The following DNAH11 variants were observed in gnomAD, a reference collection of about 807,000 sequenced individuals.
DNAH11 encodes dynein axonemal heavy chain 11, also known as axonemal beta dynein heavy chain 11.
Under a neutral mutation model 526.0 loss-of-function variants are expected in DNAH11, and 442 were observed. The observed-to-expected ratio is 0.84, with a 90% CI of 0.78 to 0.91. The LOEUF (loss-of-function observed/expected upper bound fraction) is 0.91, where lower values mean the gene tolerates loss of function less well. Ranked by LOEUF, DNAH11 falls within the 40% of genes least tolerant of loss-of-function variation. The pLI is 0.00. For synonymous variants in DNAH11, 2,461 were observed against 1,935.9 expected (o/e 1.27, Z -7.12); for missense variants, 6,989 against 5,448.7 (o/e 1.28, Z -8.90).
Position 21,868,790 on chromosome 7 carries a change from A to C in DNAH11, c.11840-74A>C. The C allele has an allele frequency of 4.4e-6, 7 of 1,585,544 alleles. No individual in the cohort carries two copies. In the South Asian group the frequency reaches 8.0e-5, roughly 18 times the overall value. ...GCTGCGGTGACCACAGATGTGCATT[A>C]GACCACAGAATTCCAGGCTCCTCTC... On this transcript the variant is annotated intron_variant, in intron 72 of 81. Transcript: ENST00000409508.
chr7:21,799,587 C>T (rs1167197509), intron 61 of DNAH11, among the ~76,000 whole-genome samples: 1 of 152,202 alleles, frequency 6.6e-6, no homozygotes, highest in Non-Finnish European at 1.5e-5. Flanking sequence ...CTGCCTGCCT[C>T]AGCCTCCCAA....
At position 21,559,759 on chromosome 7, in the gene DNAH11, G is replaced by A. The variant is rs1318853637; in HGVS notation, c.849G>A (p.Met283Ile). 6 of 1,605,892 alleles carry A rather than the reference G, an allele frequency of 3.7e-6. No individual in the cohort carries two copies. The highest frequency in any genetic ancestry group is 1.7e-4 in the Middle Eastern group (1 of 6,050). ...AAGCAGAACTAGATTTCTGGATGAT[G>A]AGGAGAGAAAATCTGTCATGCATTT... is the stretch of plus-strand genomic sequence containing the variant. ...SPQAELDFWM[M>I]RRENLSCIYD... Residue 283 changes from methionine to isoleucine, a missense_variant, in exon 4 of 82, where the codon ATG (methionine) becomes ATA (isoleucine). Met to Ile is a conservative substitution (Grantham distance 10). Coordinates refer to ENST00000409508, the MANE Select transcript of DNAH11 (RefSeq NM_001277115.2).
chr7:21,679,463 C>T (rs546935146), intron 30 of DNAH11, among the ~76,000 whole-genome samples: 72 of 152,198 alleles, frequency 4.7e-4, no homozygotes, highest in African/African-American at 1.7e-3. Flanking sequence ...ACAATGTATA[C>T]CTACATCAAA....
intron 65 of DNAH11, among the ~76,000 whole-genome samples, chr7:21,838,218 C>A (rs575987541): frequency 6.6e-6 from 1 of 152,272 alleles, no homozygotes; most frequent in African/African-American, 2.4e-5. Flanking sequence ...GAAAGATGTC[C>A]TTATCAAACA....
chr7:21,647,520 C>G (rs1787413904), intron 28 of DNAH11, among the ~76,000 whole-genome samples: 3 of 151,018 alleles, frequency 2.0e-5, no homozygotes, highest in African/African-American at 7.3e-5. Flanking sequence ...GGCTCCGCCT[C>G]CCAGGTTCAC....
intron 30 of DNAH11, 33 bp from the exon 31 acceptor site, chr7:21,681,513 C>G: frequency 1.9e-6 from 3 of 1,603,244 alleles, no homozygotes; most frequent in Non-Finnish European, 2.6e-6. Context: ...ATTTGTAACC[C>G]TTCTCTCCTT....
In DNAH11 at chr7:21,564,277, CAT is replaced by C; in HGVS notation, c.1077_1078del (p.Leu360AsnfsTer19). The C allele has an allele frequency of 6.2e-7, 1 of 1,613,626 alleles. No individual in the cohort carries two copies. The highest frequency in any genetic ancestry group is 8.5e-7 in the Non-Finnish European group (1 of 1,179,722). On this transcript the variant is annotated frameshift_variant, in exon 6 of 82. Transcript: ENST00000409508. LOFTEE classifies it high-confidence loss of function. ...AGGAGACGGAATTCCCACAGACACG[CAT>C]ATTAATCGCTCCATTATTTCATACC... ...LQETEFPQTR[I>X]LIAPLFHTIC...
Position 21,901,375 on chromosome 7 carries a change from T to TC in DNAH11, c.*122dup. On this transcript the variant is annotated 3_prime_UTR_variant, in exon 82 of 82. Coordinates refer to ENST00000409508, the MANE Select transcript of DNAH11 (RefSeq NM_001277115.2). ...AGTAACTCACACGTGCATTCTTTTT[T>TC]CAACGCTATCCTTAGAGTGAAAGTC... 1 of 1,325,110 alleles carries TC rather than the reference T, an allele frequency of 7.5e-7. No homozygotes were observed. 82.1% of individuals were successfully genotyped at this position (1,325,110 alleles called of 1,614,324 possible). A position where few individuals can be genotyped will look rare whatever the true frequency, so the allele number is the denominator to read the frequency against.
At chr7:21,765,362 A>G (rs1787128529) in intron 54 of DNAH11, 66 bp from the exon 55 acceptor site, 1 of 1,605,550 alleles carries the variant, frequency 6.2e-7, no homozygotes, top group Non-Finnish European at 8.5e-7. Context: ...ATTGTCTAAG[A>G]TTGCAATGTA....
chr7:21,699,864 T>A (rs998673327), intron 36 of DNAH11, among the ~76,000 whole-genome samples: 5 of 152,116 alleles, frequency 3.3e-5, no homozygotes, highest in African/African-American at 1.2e-4. Flanking sequence ...CTGACCATGT[T>A]GAATGTGTAA....
intron 81 of DNAH11, 198 bp from the exon 82 acceptor site, chr7:21,900,809 G>C: frequency 1.4e-6 from 1 of 731,138 alleles, no homozygotes; most frequent in Non-Finnish European, 2.0e-6. Flanking sequence ...ACGCATGGAA[G>C]CAAAGCGGTG....
At chr7:21,623,549 A>T (rs1786182895) in intron 25 of DNAH11, among the ~76,000 whole-genome samples, 1 of 152,314 alleles carries the variant, frequency 6.6e-6, no homozygotes, top group Admixed American at 6.5e-5. Context: ...ACAATAGCAA[A>T]GACTTGGAAC....
chr7:21,638,739 G>A (rs1331466652), intron 27 of DNAH11, among the ~76,000 whole-genome samples, 200 bp from the exon 28 acceptor site: 5 of 142,806 alleles, frequency 3.5e-5, no homozygotes, highest in Non-Finnish European at 7.5e-5. Flanking sequence ...TGTGTATTTG[G>A]CATAGTACTC....
intron 48 of DNAH11, among the ~76,000 whole-genome samples, chr7:21,740,737 C>T (rs936974589): frequency 2.0e-5 from 3 of 152,160 alleles, no homozygotes; most frequent in African/African-American, 7.2e-5. Flanking sequence ...GGGGTGTACA[C>T]CCAGCAATAC....
At chr7:21,594,823 G>C (rs562116297) in intron 14 of DNAH11, among the ~76,000 whole-genome samples, 4 of 152,246 alleles carry the variant, frequency 2.6e-5, no homozygotes, top group African/African-American at 9.6e-5. Flanking sequence ...TGGCAGCTCA[G>C]GGGAGGCTTC....
intron 61 of DNAH11, among the ~76,000 whole-genome samples, chr7:21,796,758 G>A (rs1224808828): frequency 2.0e-5 from 3 of 152,126 alleles, no homozygotes; most frequent in Admixed American, 6.5e-5. Context: ...TTGCCTCATG[G>A]ACTCTCTAAT....
intron 63 of DNAH11, among the ~76,000 whole-genome samples, chr7:21,814,568 A>G (rs1238149692): frequency 7.7e-6 from 1 of 129,686 alleles, no homozygotes; most frequent in Non-Finnish European, 1.5e-5. Flanking sequence ...TCCTGTGTCC[A>G]TGTGATCTCC....
At chr7:21,572,160 T>A (rs954018353) in intron 8 of DNAH11, among the ~76,000 whole-genome samples, 187 bp downstream of exon 8, 18 of 152,212 alleles carry the variant, frequency 1.2e-4, no homozygotes, top group African/African-American at 4.3e-4. Context: ...CTTAAGCTTT[T>A]GCATTTTCAG....
At chr7:21,877,874 CAAAAAAAAAAAA>C (rs59694030) in intron 74 of DNAH11, among the ~76,000 whole-genome samples, 18 of 66,612 alleles carry the variant, frequency 2.7e-4, no homozygotes, top group African/African-American at 6.2e-4. Flanking sequence ...GACTCCATCT[CAAAAAAAAAAAA>C]AAAAAAAAAA....
Sources: allele counts gnomAD v4.1 joint callset (sites outside exome capture counted in the v4.1 genomes callset), GRCh38; gene constraint gnomAD v4.1.1; transcripts MANE v1.5; gene names NCBI Gene and HGNC (gene_info 2026-07-23, HGNC 2026-07-21).